Variants in CMTM8 observed in about 807,000 individuals in gnomAD.
CMTM8 encodes CKLF-like MARVEL transmembrane domain-containing protein 8.
In CMTM8, 12 loss-of-function variants were observed where a neutral mutation model predicts 18.6. That is an observed-to-expected ratio of 0.65 (90% CI 0.41 to 1.05). The LOEUF (loss-of-function observed/expected upper bound fraction) is 1.05, where lower values mean the gene tolerates loss of function less well. CMTM8 is among the 50% of genes least tolerant of loss of function. The pLI, the probability that CMTM8 is intolerant of heterozygous loss-of-function variation, is 0.00. For synonymous variants in CMTM8, 87 were observed against 90.6 expected, an observed-to-expected ratio of 0.96 and a Z score of 0.23; for missense variants, 217 against 227.2, an observed-to-expected ratio of 0.95 and a Z score of 0.29.
intron 1 of CMTM8, among the ~76,000 whole-genome samples, chr3:32,328,370 C>CAAAAAAAAAAAAAAA (rs796201249): frequency 2.7e-5 from 2 of 74,784 alleles, no homozygotes; most frequent in African/African-American, 1.2e-4. Flanking sequence ...ACCCTGTCTC[C>CAAAAAAAAAAAAAAA]AAAAAAAAAA....
At chr3:32,294,099 C>G (rs1435019287) in intron 1 of CMTM8, among the ~76,000 whole-genome samples, 1 of 152,150 alleles carries the variant, frequency 6.6e-6, no homozygotes, top group African/African-American at 2.4e-5. Context: ...ACAGCCTCAC[C>G]AACAGGATTG....
intron 1 of CMTM8, among the ~76,000 whole-genome samples, chr3:32,271,707 T>G (rs1281835229): frequency 1.3e-5 from 2 of 152,222 alleles, no homozygotes; most frequent in Non-Finnish European, 1.5e-5. Flanking sequence ...TGTTTCTCAT[T>G]CTCTTTCTTC....
At chr3:32,303,417 G>T (rs932147203) in intron 1 of CMTM8, among the ~76,000 whole-genome samples, 6 of 152,188 alleles carry the variant, frequency 3.9e-5, no homozygotes, top group African/African-American at 1.4e-4. Flanking sequence ...TCTTAATGTG[G>T]TGACAGGGTC....
chr3:32,257,168 G>A, intron 1 of CMTM8, among the ~76,000 whole-genome samples: 1 of 152,112 alleles, frequency 6.6e-6, no homozygotes, highest in East Asian at 1.9e-4. Context: ...TTAGAGACGG[G>A]TTTTTGCCAT....
intron 1 of CMTM8, among the ~76,000 whole-genome samples, chr3:32,256,382 G>C (rs1285802147): frequency 2.0e-5 from 3 of 151,976 alleles, no homozygotes; most frequent in Non-Finnish European, 4.4e-5. Context: ...ATTCAGTGTT[G>C]TTAATAAGAG....
chr3:32,256,950 G>T (rs545512916), intron 1 of CMTM8, among the ~76,000 whole-genome samples: 1 of 152,220 alleles, frequency 6.6e-6, no homozygotes, highest in South Asian at 2.1e-4. Flanking sequence ...GTAACTAAAT[G>T]GTCTTTTTTC....
At chr3:32,243,649 TA>T (rs1321506822) in intron 1 of CMTM8, among the ~76,000 whole-genome samples, 1 of 152,212 alleles carries the variant, frequency 6.6e-6, no homozygotes, top group Non-Finnish European at 1.5e-5. Context: ...GACTGACTTT[TA>T]CATTGTGAAT....
chr3:32,298,484 A>T (rs1208155518), intron 1 of CMTM8, among the ~76,000 whole-genome samples: 2 of 146,704 alleles, frequency 1.4e-5, no homozygotes, highest in Non-Finnish European at 3.0e-5. Flanking sequence ...CATTCTCTTT[A>T]AAAAATTTCA....
chr3:32,350,486 T>G (rs2125594735), intron 1 of CMTM8, among the ~76,000 whole-genome samples: 1 of 150,706 alleles, frequency 6.6e-6, no homozygotes, highest in South Asian at 2.1e-4. Context: ...GCCTCCCGAG[T>G]AGCTGGGATT....
intron 1 of CMTM8, among the ~76,000 whole-genome samples, chr3:32,277,919 G>A (rs1228867784): frequency 1.3e-5 from 2 of 152,210 alleles, no homozygotes; most frequent in African/African-American, 2.4e-5. Context: ...ATGTTTGACT[G>A]TTGTGACAAA....
At chr3:32,355,984 A>G (rs1696807974) in intron 1 of CMTM8, among the ~76,000 whole-genome samples, 1 of 152,124 alleles carries the variant, frequency 6.6e-6, no homozygotes, top group South Asian at 2.1e-4. Flanking sequence ...GACCCTTATC[A>G]TACCGTTTAC....
At chr3:32,318,145 G>A (rs543139371) in intron 1 of CMTM8, among the ~76,000 whole-genome samples, 10 of 151,754 alleles carry the variant, frequency 6.6e-5, no homozygotes, top group Non-Finnish European at 1.2e-4. Flanking sequence ...AAAGCAACCT[G>A]TGGGATGTCA....
intron 2 of CMTM8, among the ~76,000 whole-genome samples, chr3:32,367,111 A>G (rs1697053648): frequency 6.6e-6 from 1 of 152,130 alleles, no homozygotes; most frequent in East Asian, 1.9e-4. Context: ...CCTGAGAGGC[A>G]TCCCCCTTCC....
chr3:32,308,254 C>G (rs951148776), intron 1 of CMTM8, among the ~76,000 whole-genome samples: 1 of 152,142 alleles, frequency 6.6e-6, no homozygotes, highest in African/African-American at 2.4e-5. Context: ...AACACAGAAG[C>G]AGATTCATGT....
chr3:32,306,903 A>G lies in CMTM8; in HGVS notation c.148-50470A>G, dbSNP rs143739572. Among the ~76,000 whole-genome samples, 427 of 152,290 alleles carry G rather than the reference A, an allele frequency of 2.8e-3. 4 individuals carry two copies. The highest frequency in any genetic ancestry group is 9.9e-3 in the African/African-American group (413 of 41,568). ...CTTAGGCCAGCTGAGAATCTGAATT[A>G]AGGTCATAAAAATGGAGAGAAGATG... is the stretch of plus-strand genomic sequence containing the variant. On this transcript the variant is annotated intron_variant, in intron 1 of 3. Coordinates refer to ENST00000307526, the MANE Select transcript of CMTM8 (RefSeq NM_178868.5).
chr3:32,331,394 G>GA (rs1333668941), intron 1 of CMTM8, among the ~76,000 whole-genome samples: 8 of 152,060 alleles, frequency 5.3e-5, no homozygotes, highest in Non-Finnish European at 1.2e-4. Context: ...GGCCGCTCTG[G>GA]AAAACAGTAC....
rs1553605520 is a variant in CMTM8, at chr3:32,319,057, C to CAT, written c.148-38299_148-38298dup. On this transcript the variant is annotated intron_variant, in intron 1 of 3. Coordinates refer to ENST00000307526, the MANE Select transcript of CMTM8 (RefSeq NM_178868.5). ...AAATTTATATATATGTGTGTATATA[C>CAT]ATATATATATATATATATTTTTTTT... Among the ~76,000 whole-genome samples the CAT allele has an allele frequency of 3.6e-3, 164 of 45,858 alleles. 3 individuals carry two copies. Among genetic ancestry groups the CAT allele is most frequent in the Middle Eastern group, 0.015 (1 of 66 alleles). 30.1% of individuals were successfully genotyped at this position (45,858 alleles called of 152,430 possible).
At chr3:32,248,823 A>G (rs762662709) in intron 1 of CMTM8, among the ~76,000 whole-genome samples, 4 of 151,898 alleles carry the variant, frequency 2.6e-5, no homozygotes, top group Non-Finnish European at 4.4e-5. Flanking sequence ...GGTGTGGGCC[A>G]CTATGCCTGG....
At chr3:32,335,053 G>GT (rs1696360122) in intron 1 of CMTM8, among the ~76,000 whole-genome samples, 1 of 152,194 alleles carries the variant, frequency 6.6e-6, no homozygotes, top group African/African-American at 2.4e-5. Flanking sequence ...GAGTGCCTCG[G>GT]TGCCTACTGT....
Sources: allele counts gnomAD v4.1 joint callset (sites outside exome capture counted in the v4.1 genomes callset), GRCh38; gene constraint gnomAD v4.1.1; transcripts MANE v1.5; gene names NCBI Gene and HGNC (gene_info 2026-07-23, HGNC 2026-07-21).